SNX29: variants seen among roughly 807,000 people sequenced by gnomAD.
SNX29 encodes sorting nexin 29.
Under a neutral mutation model 102.1 loss-of-function variants are expected in SNX29, and 78 were observed. The ratio of observed to expected loss-of-function variants is 0.76; its 90% CI spans 0.64 to 0.92. SNX29 has a LOEUF of 0.92. Ranked by LOEUF, SNX29 falls within the 40% of genes least tolerant of loss-of-function variation. The pLI is 0.00. For synonymous variants in SNX29, 580 were observed against 414.5 expected (o/e 1.40, Z -4.85); for missense variants, 1,280 against 1,061.7 (o/e 1.21, Z -2.86).
chr16:12,551,186 C>T (rs1374092086), intron 20 of SNX29, among the ~76,000 whole-genome samples: 1 of 152,052 alleles, frequency 6.6e-6, no homozygotes, highest in Non-Finnish European at 1.5e-5. Flanking sequence ...CAGACTTCCC[C>T]ACAGAGAGCC....
chr16:12,260,842 G>A (rs115560133), intron 14 of SNX29, among the ~76,000 whole-genome samples: 3 of 151,010 alleles, frequency 2.0e-5, no homozygotes, highest in African/African-American at 4.9e-5. Flanking sequence ...GCGTGTGCCC[G>A]GCTGGAGTGA....
At chr16:12,265,670 A>G (rs1449577050) in intron 14 of SNX29, among the ~76,000 whole-genome samples, 3 of 140,632 alleles carry the variant, frequency 2.1e-5, no homozygotes, top group Non-Finnish European at 4.6e-5. Flanking sequence ...AGACCAGCCT[A>G]GGAAACATGG....
Position 12,285,914 on chromosome 16 carries a change from G to C in SNX29, c.1782+7878G>C, listed in dbSNP as rs548643119. On this transcript the variant is annotated intron_variant, in intron 15 of 20. Coordinates refer to ENST00000566228, the MANE Select transcript of SNX29 (RefSeq NM_032167.5). ...TCTGTTGCCCAGGCTGGAGTGCAGT[G>C]GTACGATCTCAGCTCACTACAACCT... Among the ~76,000 whole-genome samples the C allele has an allele frequency of 2.6e-5, 4 of 152,212 alleles. No homozygotes were observed. In the East Asian group the frequency reaches 7.7e-4, roughly 29 times the overall value.
chr16:11,977,281 G>A (rs752704016), intron 1 of SNX29, among the ~76,000 whole-genome samples: 13 of 152,020 alleles, frequency 8.6e-5, no homozygotes, highest in Non-Finnish European at 1.2e-4. Flanking sequence ...TGGACAGTTA[G>A]TTTGCTGACC....
chr16:12,146,672 G>A (rs1292747692), intron 13 of SNX29, among the ~76,000 whole-genome samples: 1 of 152,166 alleles, frequency 6.6e-6, no homozygotes, highest in Non-Finnish European at 1.5e-5. Context: ...TCACTGCTTG[G>A]CTCCTGCATC....
intron 20 of SNX29, among the ~76,000 whole-genome samples, chr16:12,535,259 C>G (rs1010631413): frequency 5.9e-5 from 9 of 152,182 alleles, no homozygotes; most frequent in African/African-American, 2.2e-4. Flanking sequence ...GTGCTTCAGC[C>G]TCCCAAGTAG....
intron 14 of SNX29, among the ~76,000 whole-genome samples, chr16:12,207,816 G>A (rs963163763): frequency 1.3e-5 from 2 of 152,160 alleles, no homozygotes; most frequent in African/African-American, 4.8e-5. Context: ...TCTGGCATTT[G>A]CTTTTTGCTA....
intron 19 of SNX29, among the ~76,000 whole-genome samples, chr16:12,481,541 CACACA>C (rs2087929269): frequency 6.6e-6 from 1 of 151,048 alleles, no homozygotes; most frequent in East Asian, 2.0e-4. Context: ...CACACACACA[CACACA>C]CACACACACC....
At chr16:12,555,355 C>G (rs778627621) in intron 20 of SNX29, among the ~76,000 whole-genome samples, 52 of 151,960 alleles carry the variant, frequency 3.4e-4, no homozygotes, top group Non-Finnish European at 7.5e-4. Context: ...TGTTGGTTAA[C>G]TTTTCTCCCA....
At chr16:12,441,298 C>T (rs1186155808) in intron 18 of SNX29, among the ~76,000 whole-genome samples, 3 of 151,940 alleles carry the variant, frequency 2.0e-5, no homozygotes, top group African/African-American at 7.3e-5. Context: ...CTGTGTTAGT[C>T]AGGATGGTAC....
At chr16:12,264,754 C>T (rs1348347299) in intron 14 of SNX29, among the ~76,000 whole-genome samples, 4 of 150,274 alleles carry the variant, frequency 2.7e-5, no homozygotes, top group African/African-American at 4.9e-5. Flanking sequence ...TGCACTCCAA[C>T]GAGACTCTGT....
intron 1 of SNX29, among the ~76,000 whole-genome samples, chr16:11,983,436 C>T (rs1201337360): frequency 6.6e-6 from 1 of 151,972 alleles, no homozygotes; most frequent in Non-Finnish European, 1.5e-5. Flanking sequence ...TGACTGGGCC[C>T]TCTCTGACAG....
chr16:12,202,495 C>T (rs1008211829), intron 14 of SNX29, among the ~76,000 whole-genome samples: 5 of 152,188 alleles, frequency 3.3e-5, no homozygotes, highest in African/African-American at 9.6e-5. Flanking sequence ...TCATGCTCTT[C>T]CTCCAGCATT....
chr16:12,541,054 TAGTTTCCTG>T (rs1567677750), intron 20 of SNX29, among the ~76,000 whole-genome samples: 1 of 152,190 alleles, frequency 6.6e-6, no homozygotes, highest in African/African-American at 2.4e-5. Flanking sequence ...GGCTGCTATT[TAGTTTCCTG>T]AGTTATTGAC....
chr16:12,043,437 C>T (rs1422317887), intron 5 of SNX29, among the ~76,000 whole-genome samples: 1 of 151,742 alleles, frequency 6.6e-6, no homozygotes, highest in Admixed American at 6.6e-5. Context: ...TCTTTGCAGC[C>T]TGGACCTCCC....
At chr16:12,282,718 T>C (rs1860127580) in intron 15 of SNX29, among the ~76,000 whole-genome samples, 1 of 152,216 alleles carries the variant, frequency 6.6e-6, no homozygotes, top group Non-Finnish European at 1.5e-5. Flanking sequence ...TGCAATTGCC[T>C]GATCTCAGCT....
chr16:12,307,964 C>T (rs2080393952), intron 15 of SNX29, among the ~76,000 whole-genome samples: 1 of 152,186 alleles, frequency 6.6e-6, no homozygotes, highest in African/African-American at 2.4e-5. Context: ...TCAGGACAAA[C>T]AACGTTTGGT....
intron 11 of SNX29, among the ~76,000 whole-genome samples, chr16:12,113,029 G>T (rs2053559292): frequency 6.6e-6 from 1 of 152,184 alleles, no homozygotes; most frequent in Non-Finnish European, 1.5e-5. Flanking sequence ...CATTGTGTTT[G>T]TCCAGTTATG....
rs1269110042 is a variant in SNX29 at position 12,341,569 on chromosome 16, C to T, written c.1783-14594C>T. ...TCGTATGTGTCCAACATGGGTTGCCCAAGGGCAACAGTGGGACTGTTCTGC... is the reference window on the plus strand; with the variant it reads ...TCGTATGTGTCCAACATGGGTTGCCTAAGGGCAACAGTGGGACTGTTCTGC... On this transcript the variant is annotated intron_variant, in intron 15 of 20. Coordinates refer to ENST00000566228, the MANE Select transcript of SNX29 (RefSeq NM_032167.5). Among the ~76,000 whole-genome samples the T allele has an allele frequency of 2.0e-5, 3 of 152,202 alleles. No homozygotes were observed. In the East Asian group the frequency reaches 5.8e-4, roughly 29 times the overall value.
Sources: allele counts gnomAD v4.1 joint callset (sites outside exome capture counted in the v4.1 genomes callset), GRCh38; gene constraint gnomAD v4.1.1; transcripts MANE v1.5; gene names NCBI Gene and HGNC (gene_info 2026-07-23, HGNC 2026-07-21).